The following DNAH12 variants were observed in gnomAD, a reference collection of about 807,000 sequenced individuals.
DNAH12 encodes axonemal beta dynein heavy chain 12.
In DNAH12, 285 loss-of-function variants were observed where a neutral mutation model predicts 371.5. The observed-to-expected ratio is 0.77, with a 90% CI of 0.70 to 0.85. DNAH12 has a LOEUF of 0.85. Ranked by LOEUF, DNAH12 falls within the 40% of genes least tolerant of loss-of-function variation. The pLI, the probability that DNAH12 is intolerant of heterozygous loss-of-function variation, is 0.00. For synonymous variants in DNAH12, 1,200 were observed against 1,213.0 expected (o/e 0.99, Z 0.22); for missense variants, 3,611 against 3,689.4 (o/e 0.98, Z 0.55).
chr3:57,327,775 GT>G (rs2061986618), intron 62 of DNAH12, among the ~76,000 whole-genome samples: 1 of 110,234 alleles, frequency 9.1e-6, no homozygotes, highest in South Asian at 3.0e-4. Flanking sequence ...CCAGGAGCTG[GT>G]TTTTTGAAAG....
At chr3:57,310,657 A>G (rs2061565121) in intron 67 of DNAH12, 60 bp downstream of exon 67, 1 of 1,160,372 alleles carries the variant, frequency 8.6e-7, no homozygotes, top group Non-Finnish European at 1.2e-6. Flanking sequence ...AGAACATTTC[A>G]CCATTTGCTG....
chr3:57,361,446 A>C (rs1232853766), intron 58 of DNAH12, among the ~76,000 whole-genome samples: 46 of 118,372 alleles, frequency 3.9e-4, no homozygotes, highest in African/African-American at 1.5e-3. Context: ...CACACACACT[A>C]TATATATATA....
intron 35 of DNAH12, 64 bp from the exon 36 acceptor site, chr3:57,421,770 TA>T: frequency 6.6e-7 from 1 of 1,525,128 alleles, no homozygotes; most frequent in Non-Finnish European, 8.9e-7. Context: ...GGAGAAACAT[TA>T]ACCAAAATTC....
At chr3:57,542,940 A>G in intron 1 of DNAH12, 37 bp from the exon 2 acceptor site, 1 of 1,444,398 alleles carries the variant, frequency 6.9e-7, no homozygotes, top group Non-Finnish European at 9.1e-7. Context: ...TTATTATGTC[A>G]GCAAGCCTCG....
chr3:57,415,300 C>T, intron 38 of DNAH12, 126 bp downstream of exon 38: 1 of 1,286,218 alleles, frequency 7.8e-7, no homozygotes, highest in African/African-American at 1.6e-5. Context: ...CTTGTAACTC[C>T]CCAAACATTT....
chr3:57,537,916 C>T (rs1027172044), intron 2 of DNAH12, among the ~76,000 whole-genome samples: 1 of 152,150 alleles, frequency 6.6e-6, no homozygotes, highest in African/African-American at 2.4e-5. Context: ...ATCTCCTGAC[C>T]TCATGATCCG....
intron 58 of DNAH12, among the ~76,000 whole-genome samples, chr3:57,357,944 T>C (rs1448839375): frequency 2.0e-5 from 3 of 152,220 alleles, no homozygotes; most frequent in African/African-American, 4.8e-5. Flanking sequence ...AACAGGGCTG[T>C]AGATATTCAA....
intron 58 of DNAH12, among the ~76,000 whole-genome samples, chr3:57,358,400 G>A (rs1173357639): frequency 4.6e-5 from 7 of 151,146 alleles, no homozygotes; most frequent in African/African-American, 1.7e-4. Flanking sequence ...AGCCCCGGAG[G>A]TAGAGGAAGA....
chr3:57,295,164 G>A (rs558200558), intron 73 of DNAH12, among the ~76,000 whole-genome samples: 17 of 152,242 alleles, frequency 1.1e-4, no homozygotes, highest in African/African-American at 3.9e-4. Context: ...AGTCACTAGC[G>A]GGAGACTGTG....
intron 39 of DNAH12, among the ~76,000 whole-genome samples, chr3:57,412,964 T>C (rs544263820): frequency 6.6e-6 from 1 of 152,228 alleles, no homozygotes; most frequent in African/African-American, 2.4e-5. Context: ...TGACAACTTA[T>C]GTCCATGTAA....
intron 33 of DNAH12, 24 bp downstream of exon 33, chr3:57,429,667 C>G: frequency 6.6e-7 from 1 of 1,510,610 alleles, no homozygotes; most frequent in Admixed American, 2.4e-5. Flanking sequence ...AACAAACCAC[C>G]ATTGTATTAA....
At chr3:57,391,042 C>A (rs1055453060) in intron 45 of DNAH12, among the ~76,000 whole-genome samples, 11 of 152,246 alleles carry the variant, frequency 7.2e-5, no homozygotes, top group African/African-American at 2.4e-4. Flanking sequence ...ATCCTCTCCC[C>A]ACCCTTCTCC....
At chr3:57,335,938 T>G (rs782162562) in intron 60 of DNAH12, among the ~76,000 whole-genome samples, 15 of 152,078 alleles carry the variant, frequency 9.9e-5, no homozygotes, top group Non-Finnish European at 2.2e-4. Flanking sequence ...AGCCTTAGAG[T>G]AAAGGTTACT....
At chr3:57,548,116 C>G (rs577047833), upstream of DNAH12, among the ~76,000 whole-genome samples, 1 of 152,086 alleles carries the variant, frequency 6.6e-6, no homozygotes, top group African/African-American at 2.4e-5. Context: ...TTTCTGTAGT[C>G]TATAACAAGT....
intron 2 of DNAH12, among the ~76,000 whole-genome samples, chr3:57,539,768 CAT>C: frequency 6.6e-6 from 1 of 151,958 alleles, no homozygotes; most frequent in East Asian, 1.9e-4. Context: ...TGCCTGCCAC[CAT>C]ACCCGGCTAA....
Position 57,429,702 on chromosome 3 carries a change from A to T in DNAH12, c.5053T>A (p.Ser1685Thr), listed in dbSNP as rs923469143. 1.3e-6 allele frequency: 2 copies of T among 1,536,224 alleles called. No individual in the cohort carries two copies. The highest frequency in any genetic ancestry group is 2.1e-5 in the Admixed American group (1 of 48,400). The change falls in exon 33 of 74, where the codon TCC (serine) becomes ACC (threonine). Residue 1685 changes from serine to threonine, a missense_variant. Ser to Thr is a moderately conservative substitution (Grantham distance 58, BLOSUM62 1). Transcript: ENST00000495027. ...MSLIFETMDL[S>T]QASPATVSRC... ...AATTATGAACTTACGGATGCCTGGG[A>T]AAGGTCCATTGTTTCAAAGATGAGG...
chr3:57,426,442 A>C (rs533200550), intron 34 of DNAH12, among the ~76,000 whole-genome samples: 1 of 152,170 alleles, frequency 6.6e-6, no homozygotes, highest in South Asian at 2.1e-4. Context: ...GTCAGAATTG[A>C]GATACTATAA....
intron 60 of DNAH12, among the ~76,000 whole-genome samples, chr3:57,339,641 T>C (rs1327335252): frequency 6.6e-6 from 1 of 152,058 alleles, no homozygotes; most frequent in African/African-American, 2.4e-5. Context: ...ATTGTTTCAA[T>C]TGAACTAATA....
At chr3:57,424,960 A>T in intron 35 of DNAH12, 62 bp downstream of exon 35, 1 of 663,546 alleles carries the variant, frequency 1.5e-6, no homozygotes, top group South Asian at 1.7e-5. Flanking sequence ...CTCAATATAA[A>T]CATCATGTAC....
Sources: allele counts gnomAD v4.1 joint callset (sites outside exome capture counted in the v4.1 genomes callset), GRCh38; gene constraint gnomAD v4.1.1; transcripts MANE v1.5; gene names NCBI Gene and HGNC (gene_info 2026-07-23, HGNC 2026-07-21).